COPS2: variants seen among roughly 807,000 people sequenced by gnomAD.
The protein encoded by COPS2 is COP9 signalosome complex subunit 2.
A neutral mutation model predicts 66.1 loss-of-function variants in COPS2; 10 were observed. That is an observed-to-expected ratio of 0.15 (90% CI 0.09 to 0.26). The LOEUF (loss-of-function observed/expected upper bound fraction) is 0.26. Ranked by LOEUF, COPS2 falls within the 10% of genes least tolerant of loss-of-function variation. The pLI, the probability that COPS2 is intolerant of heterozygous loss-of-function variation, is 1.00. For missense variants in COPS2, 215 were observed against 513.3 expected (o/e 0.42, Z 5.62); for synonymous variants, 179 against 171.3 (o/e 1.04, Z -0.35).
chr15:49,148,105 T>G (rs1416292570), intron 1 of COPS2, among the ~76,000 whole-genome samples: 4 of 152,202 alleles, frequency 2.6e-5, no homozygotes, highest in African/African-American at 9.7e-5. Flanking sequence ...AGGCATAATT[T>G]TTCAAACTCA....
In COPS2 at chr15:49,126,489, C is replaced by T. The variant is rs1303214978; in HGVS notation, c.*1461G>A. 6.6e-6 allele frequency: 1 copy of T among 152,490 alleles called. No individual in the cohort carries two copies. The highest frequency in any genetic ancestry group is 1.5e-5 in the Non-Finnish European group (1 of 67,928). The allele number at this position is 152,490 out of a possible 1,614,324, so 9.4% of individuals were successfully genotyped here. ...GTCACTCTTCTGTAACCACAATCTTCCTTCTGAACTGCCACCCAGTTTTTA... is the reference window on the plus strand; with the variant it reads ...GTCACTCTTCTGTAACCACAATCTTTCTTCTGAACTGCCACCCAGTTTTTA... On this transcript the variant is annotated 3_prime_UTR_variant, in exon 13 of 13. Coordinates refer to ENST00000388901, the MANE Select transcript of COPS2 (RefSeq NM_004236.4).
In COPS2 at chr15:49,144,218, A is replaced by G. The variant is rs1423100467; in HGVS notation, c.246+9T>C. The G allele has an allele frequency of 6.3e-7, 1 of 1,578,486 alleles. No homozygotes were observed. The highest frequency in any genetic ancestry group is 1.3e-5 in the African/African-American group (1 of 74,270). On this transcript the variant is annotated intron_variant, in intron 3 of 12. Transcript: ENST00000388901. ...TTATTAGTTTAATTCCCCTCAAAAC[A>G]AATCTTACCAACTTGAAGTTAATCT...
Position 49,152,204 on chromosome 15 carries a change from A to G in COPS2, c.54+3321T>C, listed in dbSNP as rs186869567. 6.3e-3 allele frequency among the ~76,000 whole-genome samples: 961 copies of G among 151,976 alleles called. 15 individuals carry two copies. The highest frequency in any genetic ancestry group is 0.022 in the African/African-American group (905 of 41,538). On this transcript the variant is annotated intron_variant, in intron 1 of 12. Coordinates refer to ENST00000388901, the MANE Select transcript of COPS2 (RefSeq NM_004236.4). ...AAAAAAAAAGAAAATCCCAGACAAAATAACTATTTTAAAAAAAGAAAAACT... is the reference window on the plus strand; with the variant it reads ...AAAAAAAAAGAAAATCCCAGACAAAGTAACTATTTTAAAAAAAGAAAAACT...
chr15:49,140,966 G>T (rs187614657), intron 3 of COPS2, among the ~76,000 whole-genome samples: 2 of 142,198 alleles, frequency 1.4e-5, no homozygotes, highest in East Asian at 2.0e-4. Context: ...TTACAATAAA[G>T]AAAACAGCAG....
rs2084141283 is a variant in COPS2 at position 49,123,608 on chromosome 15, A to G, written c.*4342T>C. ...GTCAGCTATTCATGTGGAAATTCTG[A>G]GCAAAGTTCATAATTTTGCCAACAC... On this transcript the variant is annotated 3_prime_UTR_variant, in exon 13 of 13. Coordinates refer to ENST00000388901, the MANE Select transcript of COPS2 (RefSeq NM_004236.4). 6.6e-6 allele frequency: 1 copy of G among 152,202 alleles called. No individual in the cohort carries two copies. Among genetic ancestry groups the G allele is most frequent in the African/African-American group, 2.4e-5 (1 of 41,456 alleles). The allele number at this position is 152,202 out of a possible 1,614,324, so 9.4% of individuals were successfully genotyped here. A position where few individuals can be genotyped will look rare whatever the true frequency, so the allele number is the denominator to read the frequency against.
chr15:49,152,120 A>G (rs1220396740), intron 1 of COPS2, among the ~76,000 whole-genome samples: 1 of 151,806 alleles, frequency 6.6e-6, no homozygotes, highest in African/African-American at 2.4e-5. Flanking sequence ...TTTTATAAAA[A>G]TAAATCTTGA....
At chr15:49,141,306 G>C (rs777343552) in intron 3 of COPS2, among the ~76,000 whole-genome samples, 2 of 152,170 alleles carry the variant, frequency 1.3e-5, no homozygotes, top group Non-Finnish European at 2.9e-5. Context: ...AGACCAGCCT[G>C]AGCAACATGG....
intron 7 of COPS2, 68 bp from the exon 8 acceptor site, chr15:49,134,176 T>C (rs888814037): frequency 6.9e-7 from 1 of 1,453,616 alleles, no homozygotes; most frequent in Non-Finnish European, 9.4e-7. Flanking sequence ...GACCACCTCA[T>C]AAATGCCAAA....
In COPS2 at chr15:49,127,869, T is replaced by G; in HGVS notation, c.*81A>C. ...ATTTTCAGGACACATCAACCGACAG[T>G]AGTTTTGCCATTCCCAGTTCTTTTA... On this transcript the variant is annotated 3_prime_UTR_variant, in exon 13 of 13. Transcript: ENST00000388901. 1 of 1,381,440 alleles carries G rather than the reference T, an allele frequency of 7.2e-7. No homozygotes were observed. Among genetic ancestry groups the G allele is most frequent in the Non-Finnish European group, 9.9e-7 (1 of 1,011,570 alleles). 85.6% of individuals were successfully genotyped at this position (1,381,440 alleles called of 1,614,324 possible). A position where few individuals can be genotyped will look rare whatever the true frequency, so the allele number is the denominator to read the frequency against.
rs1018623781 is a variant in COPS2 at position 49,134,647 on chromosome 15, A to G, written c.541-133T>C. On this transcript the variant is annotated intron_variant, in intron 6 of 12. Transcript: ENST00000388901. ...ACAACACAAATTTTAATTGGGAGCTACAGTACTAAGAATACCACTTGTAAT... is the reference window on the plus strand; with the variant it reads ...ACAACACAAATTTTAATTGGGAGCTGCAGTACTAAGAATACCACTTGTAAT... The G allele has an allele frequency of 5.6e-6, 4 of 709,714 alleles. No individual in the cohort carries two copies. In the East Asian group the frequency reaches 1.1e-4, roughly 20 times the overall value. The allele number at this position is 709,714 out of a possible 1,614,324, so 44.0% of individuals were successfully genotyped here.
intron 10 of COPS2, among the ~76,000 whole-genome samples, chr15:49,129,918 A>G (rs1399192878): frequency 6.6e-6 from 1 of 152,204 alleles, no homozygotes; most frequent in Non-Finnish European, 1.5e-5. Flanking sequence ...CAAAACCTAG[A>G]GTACTATATT....
rs2084173204 is a variant in COPS2 at position 49,127,138 on chromosome 15, G to C, written c.*812C>G. The C allele has an allele frequency of 6.6e-6, 1 of 152,118 alleles. No homozygotes were observed. Among genetic ancestry groups the C allele is most frequent in the Non-Finnish European group, 1.5e-5 (1 of 67,994 alleles). The allele number at this position is 152,118 out of a possible 1,614,324, so 9.4% of individuals were successfully genotyped here. ...AATTTTATTCCTTTAAAGCATCACT[G>C]TCATAACTATGCACGTGTTTTGTTA... On this transcript the variant is annotated 3_prime_UTR_variant, in exon 13 of 13. Transcript: ENST00000388901.
chr15:49,133,844 G>A, intron 8 of COPS2, 33 bp from the exon 9 acceptor site: 2 of 1,550,026 alleles, frequency 1.3e-6, no homozygotes, highest in Non-Finnish European at 1.7e-6. Context: ...TTAAATATAT[G>A]TACAAAGAAA....
At position 49,139,627 on chromosome 15, in the gene COPS2, T is replaced by C. The variant is rs2141128222; in HGVS notation, c.273A>G (p.Arg91=). 3.1e-6 allele frequency: 5 copies of C among 1,588,820 alleles called. No homozygotes were observed. The East Asian group carries it at 1.1e-4, about 36-fold the overall frequency. Residue 91 remains arginine (R), a synonymous_variant, in exon 4 of 13, where the codon AGA becomes AGG. Transcript: ENST00000388901. ...GAATATAGGTCAATAGCTGCTTATA[T>C]CTATTCATCATTTCTGGAAAGTTTG... ...KLTNFPEMMN[R]YKQLLTYIRS... is the part of the protein sequence containing the mutation.
intron 9 of COPS2, among the ~76,000 whole-genome samples, chr15:49,131,096 T>C (rs1026712159): frequency 2.6e-5 from 4 of 152,172 alleles, no homozygotes; most frequent in African/African-American, 9.7e-5. Context: ...ATCACCTCAA[T>C]ATCTTACTTC....
At chr15:49,141,210 TAC>T (rs1172784021) in intron 3 of COPS2, among the ~76,000 whole-genome samples, 1 of 152,124 alleles carries the variant, frequency 6.6e-6, no homozygotes, top group Non-Finnish European at 1.5e-5. Context: ...TGCAAAAAGT[TAC>T]AGTTTTTGGC....
intron 1 of COPS2, among the ~76,000 whole-genome samples, chr15:49,155,289 G>A (rs901800700): frequency 6.6e-6 from 1 of 152,230 alleles, no homozygotes; most frequent in African/African-American, 2.4e-5. Context: ...GCTCAGACTC[G>A]GAGGGCAAGG....
At position 49,128,013 on chromosome 15, in the gene COPS2, T is replaced by C. The variant is rs369542611; in HGVS notation, c.1269A>G (p.Ala423=). ...TTAGTTGGTTGGTCCATTTATCTAG[T>C]GCAGTATATCGTGCACCACCCCTCT... is the stretch of plus-strand genomic sequence containing the variant. ...HQKRGGARYT[A]LDKWTNQLNS... The change falls in exon 13 of 13, where the codon GCA becomes GCG. Residue 423 remains alanine, a synonymous_variant. Coordinates refer to ENST00000388901, the MANE Select transcript of COPS2 (RefSeq NM_004236.4). 1.2e-6 allele frequency: 2 copies of C among 1,613,884 alleles called. No homozygotes were observed. Among genetic ancestry groups the C allele is most frequent in the African/African-American group, 1.3e-5 (1 of 74,926 alleles).
At chr15:49,151,931 CCTAA>C (rs1309083696) in intron 1 of COPS2, among the ~76,000 whole-genome samples, 2 of 150,944 alleles carry the variant, frequency 1.3e-5, no homozygotes, top group Non-Finnish European at 2.9e-5. Flanking sequence ...CAGGTGGTAT[CCTAA>C]CTACCTATTT....
Sources: allele counts gnomAD v4.1 joint callset (sites outside exome capture counted in the v4.1 genomes callset), GRCh38; gene constraint gnomAD v4.1.1; transcripts MANE v1.5; gene names NCBI Gene and HGNC (gene_info 2026-07-23, HGNC 2026-07-21).